The following RGS7 variants were observed in gnomAD, a reference collection of about 807,000 sequenced individuals.
The protein encoded by RGS7 is regulator of G protein signaling 7.
In RGS7, 27 loss-of-function variants were observed where a neutral mutation model predicts 81.1. That is an observed-to-expected ratio of 0.33 (90% CI 0.25 to 0.46). The LOEUF (loss-of-function observed/expected upper bound fraction) is 0.46, where lower values mean the gene tolerates loss of function less well. Among genes scored for constraint, RGS7 ranks in the 20% least tolerant of loss-of-function variants. The probability of loss-of-function intolerance (pLI) is 1.00; values close to 1 mark genes in which losing one functional copy is unlikely to be tolerated. For missense variants in RGS7, 396 were observed against 607.4 expected, an observed-to-expected ratio of 0.65 and a Z score of 3.66; for synonymous variants, 208 against 207.7, an observed-to-expected ratio of 1.00 and a Z score of -0.01.
intron 14 of RGS7, among the ~76,000 whole-genome samples, chr1:240,809,389 A>G (rs1212475004): frequency 6.6e-6 from 1 of 152,160 alleles, no homozygotes; most frequent in Non-Finnish European, 1.5e-5. Flanking sequence ...AGATGCACGG[A>G]GAGTTATTTT....
chr1:240,902,172 G>A (rs1037768561), intron 6 of RGS7, among the ~76,000 whole-genome samples: 2 of 152,126 alleles, frequency 1.3e-5, no homozygotes, highest in African/African-American at 4.8e-5. Context: ...AACCATCAGG[G>A]AGGTAAAAAT....
At chr1:241,011,171 T>A (rs1295432890) in intron 3 of RGS7, among the ~76,000 whole-genome samples, 2 of 152,214 alleles carry the variant, frequency 1.3e-5, no homozygotes, top group Non-Finnish European at 2.9e-5. Flanking sequence ...TGATTTTGTT[T>A]TTCACATTTT....
At chr1:241,183,472 G>C (rs773310058) in intron 2 of RGS7, among the ~76,000 whole-genome samples, 1 of 152,104 alleles carries the variant, frequency 6.6e-6, no homozygotes, top group African/African-American at 2.4e-5. Flanking sequence ...GCTCTGTCTC[G>C]CAGCTGACAT....
intron 7 of RGS7, among the ~76,000 whole-genome samples, chr1:240,869,565 T>G (rs186826817): frequency 1.5e-3 from 235 of 152,318 alleles, no homozygotes; most frequent in African/African-American, 5.4e-3. Context: ...CCATATGCAA[T>G]GTGAATGAAG....
chr1:241,196,680 A>G (rs1406536303), intron 2 of RGS7, among the ~76,000 whole-genome samples: 1 of 152,132 alleles, frequency 6.6e-6, no homozygotes, highest in African/African-American at 2.4e-5. Flanking sequence ...AAATATGTGG[A>G]TAAACACAAG....
At chr1:241,121,205 G>C (rs979853223) in intron 2 of RGS7, among the ~76,000 whole-genome samples, 1 of 152,132 alleles carries the variant, frequency 6.6e-6, no homozygotes, top group South Asian at 2.1e-4. Context: ...AAAAAGTACT[G>C]GACAGATGTC....
chr1:241,062,882 C>T (rs954563065), intron 3 of RGS7, among the ~76,000 whole-genome samples: 3 of 152,128 alleles, frequency 2.0e-5, no homozygotes, highest in African/African-American at 7.2e-5. Context: ...AGTTTTACTT[C>T]GTTAACTCTT....
At chr1:241,239,089 C>T (rs530254875) in intron 2 of RGS7, among the ~76,000 whole-genome samples, 6 of 151,776 alleles carry the variant, frequency 4.0e-5, no homozygotes, top group Non-Finnish European at 7.4e-5. Context: ...CTGCCTCAGC[C>T]TTCTGAGCAG....
At chr1:240,974,008 C>CTAAATTA (rs1192841691) in intron 4 of RGS7, among the ~76,000 whole-genome samples, 1 of 152,172 alleles carries the variant, frequency 6.6e-6, no homozygotes, top group African/African-American at 2.4e-5. Flanking sequence ...AATTAATTAA[C>CTAAATTA]AAGATTTAGA....
At chr1:241,094,982 G>A (rs2064145813) in intron 3 of RGS7, among the ~76,000 whole-genome samples, 2 of 152,188 alleles carry the variant, frequency 1.3e-5, no homozygotes, top group South Asian at 4.1e-4. Context: ...GTAAAGGAAG[G>A]AGAAAGAACT....
At chr1:241,293,136 T>TA (rs1278764750) in intron 2 of RGS7, among the ~76,000 whole-genome samples, 3 of 152,186 alleles carry the variant, frequency 2.0e-5, no homozygotes, top group Non-Finnish European at 4.4e-5. Flanking sequence ...CATGAGATTA[T>TA]AATGGAGCTG....
intron 10 of RGS7, among the ~76,000 whole-genome samples, chr1:240,821,946 C>T (rs897347614): frequency 6.6e-6 from 1 of 152,162 alleles, no homozygotes; most frequent in East Asian, 1.9e-4. Context: ...ACCTAGGACC[C>T]CTCTAGCTAT....
intron 9 of RGS7, among the ~76,000 whole-genome samples, chr1:240,850,878 A>C (rs1432962087): frequency 1.3e-5 from 2 of 152,134 alleles, no homozygotes; most frequent in African/African-American, 4.8e-5. Flanking sequence ...GCAAGGCCCT[A>C]AGTCATCAAT....
At chr1:241,327,098 GAA>G (rs1203871719) in intron 2 of RGS7, among the ~76,000 whole-genome samples, 1 of 78,528 alleles carries the variant, frequency 1.3e-5, no homozygotes, top group African/African-American at 5.1e-5. Context: ...AAGAAAGAAA[GAA>G]AGAAAGAAAG....
At chr1:240,940,661 G>A (rs936222305) in intron 4 of RGS7, among the ~76,000 whole-genome samples, 1 of 152,192 alleles carries the variant, frequency 6.6e-6, no homozygotes, top group African/African-American at 2.4e-5. Context: ...TAGACAGTAA[G>A]AGGAGCTTCT....
chr1:240,827,925 G>A (rs2147799858), intron 9 of RGS7, among the ~76,000 whole-genome samples: 1 of 150,462 alleles, frequency 6.6e-6, no homozygotes, highest in Non-Finnish European at 1.5e-5. Context: ...CTTTTCCCAG[G>A]CTGGAAGACT....
At chr1:241,319,111 T>G (rs1456557736) in intron 2 of RGS7, among the ~76,000 whole-genome samples, 1 of 152,208 alleles carries the variant, frequency 6.6e-6, no homozygotes, top group Non-Finnish European at 1.5e-5. Flanking sequence ...ACCATAACCA[T>G]TTCTTACCCT....
At chr1:240,945,748 G>A (rs1039078172) in intron 4 of RGS7, among the ~76,000 whole-genome samples, 9 of 152,166 alleles carry the variant, frequency 5.9e-5, no homozygotes, top group African/African-American at 1.4e-4. Flanking sequence ...TGTGTAGGAC[G>A]TCAGGACTGA....
intron 9 of RGS7, among the ~76,000 whole-genome samples, chr1:240,856,861 T>C (rs2147959717): frequency 6.6e-6 from 1 of 152,264 alleles, no homozygotes; most frequent in East Asian, 1.9e-4. Flanking sequence ...AATATCTGAG[T>C]CATTTTTGTG....
Sources: gnomAD v4.1 joint callset for allele counts (sites outside exome capture counted in the v4.1 genomes callset) on GRCh38, gnomAD v4.1.1 for gene constraint, MANE v1.5 for transcripts, NCBI Gene and HGNC (gene_info 2026-07-23, HGNC 2026-07-21) for gene names.